Variants in IKZF3 observed in about 807,000 individuals in gnomAD.
IKZF3 encodes the protein IKAROS family zinc finger 3.
Under a neutral mutation model 49.0 loss-of-function variants are expected in IKZF3, and 10 were observed. The observed-to-expected ratio is 0.20, with a 90% CI of 0.13 to 0.35. IKZF3 has a LOEUF of 0.35. Among genes scored for constraint, IKZF3 ranks in the 10% least tolerant of loss-of-function variants. The pLI is 1.00. For missense variants in IKZF3, 498 were observed against 664.8 expected (o/e 0.75, Z 2.76); for synonymous variants, 209 against 228.2 (o/e 0.92, Z 0.76).
chr17:39,795,476 A>C (rs547222347), intron 3 of IKZF3, among the ~76,000 whole-genome samples: 1 of 152,188 alleles, frequency 6.6e-6, no homozygotes, highest in South Asian at 2.1e-4. Flanking sequence ...TGGCACGATC[A>C]GCTCACTGCC....
chr17:39,791,370 G>GAGGAATGCACTTCCTAGACA, intron 5 of IKZF3, 46 bp downstream of exon 5: 1 of 1,593,076 alleles, frequency 6.3e-7, no homozygotes, highest in Non-Finnish European at 8.6e-7. Flanking sequence ...ACTGGGCTCT[G>GAGGAATGCACTTCCTAGACA]AGGAATGCAC....
At chr17:39,847,305 T>C (rs906507356) in intron 1 of IKZF3, among the ~76,000 whole-genome samples, 4 of 152,152 alleles carry the variant, frequency 2.6e-5, no homozygotes, top group African/African-American at 9.7e-5. Flanking sequence ...GAAATTAGCA[T>C]ATTAGAATCG....
intron 1 of IKZF3, among the ~76,000 whole-genome samples, chr17:39,840,751 C>T (rs2144394526): frequency 6.6e-6 from 1 of 152,272 alleles, no homozygotes; most frequent in Non-Finnish European, 1.5e-5. Flanking sequence ...AGCAGCTTGG[C>T]ATGGGATGTC....
intron 3 of IKZF3, among the ~76,000 whole-genome samples, chr17:39,826,999 G>A (rs1168277599): frequency 3.3e-5 from 5 of 152,126 alleles, no homozygotes; most frequent in Non-Finnish European, 7.4e-5. Flanking sequence ...AATCATTTTT[G>A]TTTTTGTTCT....
chr17:39,805,884 C>T (rs1029758574), intron 3 of IKZF3, among the ~76,000 whole-genome samples: 1 of 152,188 alleles, frequency 6.6e-6, no homozygotes, highest in African/African-American at 2.4e-5. Flanking sequence ...TATGTCCTTT[C>T]TATTTCAAAC....
chr17:39,778,100 CCTT>C, intron 6 of IKZF3: 1 of 1,012,408 alleles, frequency 9.9e-7, no homozygotes, highest in Non-Finnish European at 1.2e-6. Context: ...CCCCGATCAG[CCTT>C]CTTTCTGATT....
At chr17:39,809,305 T>C (rs2061499471) in intron 3 of IKZF3, among the ~76,000 whole-genome samples, 1 of 152,180 alleles carries the variant, frequency 6.6e-6, no homozygotes. Flanking sequence ...TAGATCCAAA[T>C]GCAGTCAGTT....
At chr17:39,844,655 T>A (rs1483325381) in intron 1 of IKZF3, among the ~76,000 whole-genome samples, 1 of 152,088 alleles carries the variant, frequency 6.6e-6, no homozygotes, top group African/African-American at 2.4e-5. Context: ...ATTTTTTTGC[T>A]CTTGTTGCCC....
chr17:39,834,805 G>A (rs2062216125), intron 1 of IKZF3, among the ~76,000 whole-genome samples: 1 of 152,202 alleles, frequency 6.6e-6, no homozygotes. Context: ...GGGCAAGGGG[G>A]GTATCCCAGG....
intron 1 of IKZF3, among the ~76,000 whole-genome samples, chr17:39,853,955 T>C (rs1274515616): frequency 2.0e-5 from 3 of 151,556 alleles, no homozygotes; most frequent in Non-Finnish European, 2.9e-5. Flanking sequence ...TGGTGAAACC[T>C]GTCTCTACTA....
chr17:39,806,648 A>G (rs2061437025), intron 3 of IKZF3, among the ~76,000 whole-genome samples: 1 of 152,190 alleles, frequency 6.6e-6, no homozygotes, highest in Admixed American at 6.6e-5. Context: ...GGAGTGTAAA[A>G]TGATACAGTC....
At chr17:39,835,694 G>T in intron 1 of IKZF3, 3 of 471,190 alleles carry the variant, frequency 6.4e-6, no homozygotes, top group East Asian at 5.2e-5. Context: ...CCAAGATCTG[G>T]GACTGGAGCT....
intron 1 of IKZF3, among the ~76,000 whole-genome samples, chr17:39,850,357 A>G (rs574593628): frequency 7.7e-6 from 1 of 130,120 alleles, no homozygotes; most frequent in South Asian, 2.2e-4. Flanking sequence ...CATATAATAT[A>G]TAGCATATTA....
At chr17:39,804,933 G>A (rs979588945) in intron 3 of IKZF3, among the ~76,000 whole-genome samples, 2 of 152,044 alleles carry the variant, frequency 1.3e-5, no homozygotes, top group Admixed American at 1.3e-4. Context: ...TTTTATTGCT[G>A]TTGACTCTCA....
chr17:39,852,158 T>C (rs147542372), intron 1 of IKZF3, among the ~76,000 whole-genome samples: 1 of 152,342 alleles, frequency 6.6e-6, no homozygotes, highest in African/African-American at 2.4e-5. Context: ...CTACAGATAG[T>C]GTAAATGTCA....
intron 3 of IKZF3, among the ~76,000 whole-genome samples, chr17:39,811,385 AGGAAGAAAGGAC>A (rs1191303116): frequency 7.4e-6 from 1 of 134,978 alleles, no homozygotes. Context: ...GAAGGAAGGA[AGGAAGAAAGGAC>A]GGAAGGAAGA....
At chr17:39,843,141 G>A (rs1454956523) in intron 1 of IKZF3, among the ~76,000 whole-genome samples, 2 of 152,160 alleles carry the variant, frequency 1.3e-5, no homozygotes, top group East Asian at 1.9e-4. Flanking sequence ...ATCCTGAACC[G>A]AAATATCTTG....
intron 1 of IKZF3, among the ~76,000 whole-genome samples, chr17:39,863,479 T>G (rs772164063): frequency 6.6e-6 from 1 of 152,136 alleles, no homozygotes; most frequent in Non-Finnish European, 1.5e-5. Flanking sequence ...GAAAAGACCA[T>G]TGAAGAGTTT....
At chr17:39,774,668 G>T (rs1011596146) in intron 7 of IKZF3, among the ~76,000 whole-genome samples, 8 of 152,076 alleles carry the variant, frequency 5.3e-5, no homozygotes, top group African/African-American at 1.9e-4. Context: ...AAGAAGATTA[G>T]AACAGTGCCC....
Sources: allele counts gnomAD v4.1 joint callset (sites outside exome capture counted in the v4.1 genomes callset), GRCh38; gene constraint gnomAD v4.1.1; transcripts MANE v1.5; gene names NCBI Gene and HGNC (gene_info 2026-07-23, HGNC 2026-07-21).